The following TBC1D16 variants were observed in gnomAD, a reference collection of about 807,000 sequenced individuals.
TBC1D16 encodes the protein TBC1 domain family member 16.
Under a neutral mutation model 74.7 loss-of-function variants are expected in TBC1D16, and 58 were observed. That is an observed-to-expected ratio of 0.78 (90% CI 0.63 to 0.97). TBC1D16 has a LOEUF of 0.97. TBC1D16 is among the 50% of genes least tolerant of loss of function. TBC1D16 has a pLI of 0.00. For missense variants in TBC1D16, 1,014 were observed against 1,079.5 expected, an observed-to-expected ratio of 0.94 and a Z score of 0.85; for synonymous variants, 493 against 474.7, an observed-to-expected ratio of 1.04 and a Z score of -0.50.
In TBC1D16 at chr17:79,988,499, C is replaced by T. The variant is rs1010232659; in HGVS notation, c.779+21661G>A. On this transcript the variant is annotated intron_variant, in intron 3 of 11. Coordinates refer to ENST00000310924, the MANE Select transcript of TBC1D16 (RefSeq NM_019020.4). This position sits in a 1 kb window ranked among gnomAD's most constrained non-coding sequence, Gnocchi z 5.7. ...GACGGAAGCTGCCCAATCATAAGAC[C>T]ATGGCTGAAAGTCAAACGCGCCCAG... Among the ~76,000 whole-genome samples, 1 of 152,254 alleles carries T rather than the reference C, an allele frequency of 6.6e-6. No individual in the cohort carries two copies. Among genetic ancestry groups the T allele is most frequent in the African/African-American group, 2.4e-5 (1 of 41,466 alleles).
chr17:79,972,664 T>C (rs534086333), intron 3 of TBC1D16, among the ~76,000 whole-genome samples: 24 of 151,700 alleles, frequency 1.6e-4, no homozygotes, highest in African/African-American at 5.3e-4. Context: ...GGAGAGGAGA[T>C]GGGGAGTTGT....
chr17:79,972,263 G>A (rs760281031), intron 3 of TBC1D16, among the ~76,000 whole-genome samples: 1 of 152,050 alleles, frequency 6.6e-6, no homozygotes, highest in Non-Finnish European at 1.5e-5. Flanking sequence ...TGCAACCTCC[G>A]CCTCCCGGAT....
rs2033483465 is a variant in TBC1D16 at position 79,959,215 on chromosome 17, G to A, written c.780-6397C>T. On this transcript the variant is annotated intron_variant, in intron 3 of 11. Coordinates refer to ENST00000310924, the MANE Select transcript of TBC1D16 (RefSeq NM_019020.4). ...AAAAGACATTCAAGAACGTCATACTGAAAAACACAAAAATTGCTGAGATAA... is the reference window on the plus strand; with the variant it reads ...AAAAGACATTCAAGAACGTCATACTAAAAAACACAAAAATTGCTGAGATAA... Among the ~76,000 whole-genome samples the A allele has an allele frequency of 2.0e-5, 3 of 152,150 alleles. No individual in the cohort carries two copies. The South Asian group carries it at 6.2e-4, about 32-fold the overall frequency.
chr17:80,021,910 C>CAGACACACACACT (rs2036300520), intron 1 of TBC1D16, among the ~76,000 whole-genome samples: 1 of 68,030 alleles, frequency 1.5e-5, no homozygotes, highest in Non-Finnish European at 3.7e-5. Flanking sequence ...TGACACACAC[C>CAGACACACACACT]ATGACACACA....
intron 10 of TBC1D16, among the ~76,000 whole-genome samples, chr17:79,943,222 G>A (rs776823488): frequency 6.6e-5 from 10 of 152,172 alleles, no homozygotes; most frequent in Non-Finnish European, 1.5e-4. Flanking sequence ...AACTAATCTG[G>A]GACGGTCTTG....
rs2034282023 is a variant in TBC1D16 at position 79,975,232 on chromosome 17, TC to T, written c.780-22415del. ...CCCTTTGCATTTGGTGAACTCCGTG[TC>T]AGGAAAGCTAGTCTTTGGGATTCAA... is the stretch of plus-strand genomic sequence containing the variant. On this transcript the variant is annotated intron_variant, in intron 3 of 11. Transcript: ENST00000310924. The surrounding 1 kb of genome is among the most constrained non-coding windows in gnomAD (Gnocchi z 4.5). Among the ~76,000 whole-genome samples the T allele has an allele frequency of 6.6e-6, 1 of 152,230 alleles. No homozygotes were observed. The highest frequency in any genetic ancestry group is 2.1e-4 in the South Asian group (1 of 4,828).
At chr17:79,945,371 C>G (rs2032438532) in intron 9 of TBC1D16, among the ~76,000 whole-genome samples, 1 of 152,186 alleles carries the variant, frequency 6.6e-6, no homozygotes. Context: ...AGGACGCTGG[C>G]AGCCGCTCCA....
At chr17:79,942,015 T>A (rs2032052401) in intron 11 of TBC1D16, 45 bp downstream of exon 11, 1 of 1,150,242 alleles carries the variant, frequency 8.7e-7, no homozygotes, top group African/African-American at 2.0e-5. Context: ...GGGGTGGGGC[T>A]TTGGGGGCGG....
Position 79,954,196 on chromosome 17 carries a change from C to T in TBC1D16, c.780-1378G>A, listed in dbSNP as rs963945316. On this transcript the variant is annotated intron_variant, in intron 3 of 11. Coordinates refer to ENST00000310924, the MANE Select transcript of TBC1D16 (RefSeq NM_019020.4). This position sits in a 1 kb window ranked among gnomAD's most constrained non-coding sequence, Gnocchi z 5.5. ...AGCCGCATTCACCGCACCTGCCTTC[C>T]CGTTTGAGCTCAGAACATAAACTAT... Among the ~76,000 whole-genome samples, 2 of 152,200 alleles carry T rather than the reference C, an allele frequency of 1.3e-5. No homozygotes were observed. Among genetic ancestry groups the T allele is most frequent in the South Asian group, 2.1e-4 (1 of 4,822 alleles).
rs550039387 is a variant in TBC1D16 at position 80,012,657 on chromosome 17, C to T, written c.181+710G>A. 6.1e-4 allele frequency among the ~76,000 whole-genome samples: 93 copies of T among 152,154 alleles called. 1 individual carries two copies. In the South Asian group the frequency reaches 0.019, roughly 32 times the overall value. The stretch of plus-strand genomic sequence containing the variant: ...AACTCCTGGGTTCAAGCAATCCTCC[C>T]ACCTCAGCCTCCCAAAGTGCTGGGA... On this transcript the variant is annotated intron_variant, in intron 2 of 11. Coordinates refer to ENST00000310924, the MANE Select transcript of TBC1D16 (RefSeq NM_019020.4).
rs563217623 is a variant in TBC1D16, at chr17:79,989,498, G to A, written c.779+20662C>T. ...TTTCCAGGATGAAAAGCCACGGTTC[G>A]CTTTGCCTGCCATGGACAGAGTCAT... On this transcript the variant is annotated intron_variant, in intron 3 of 11. Coordinates refer to ENST00000310924, the MANE Select transcript of TBC1D16 (RefSeq NM_019020.4). Among the ~76,000 whole-genome samples the A allele has an allele frequency of 1.9e-4, 29 of 152,288 alleles. No homozygotes were observed. In the East Asian group the frequency reaches 2.5e-3, roughly 13 times the overall value.
Position 79,980,496 on chromosome 17 carries a change from C to T in TBC1D16, c.780-27678G>A, listed in dbSNP as rs2034533946. Among the ~76,000 whole-genome samples, 1 of 152,152 alleles carries T rather than the reference C, an allele frequency of 6.6e-6. No homozygotes were observed. The highest frequency in any genetic ancestry group is 6.5e-5 in the Admixed American group (1 of 15,276). On this transcript the variant is annotated intron_variant, in intron 3 of 11. Transcript: ENST00000310924. The surrounding 1 kb of genome is among the most constrained non-coding windows in gnomAD (Gnocchi z 7.0). ...TAACCAGGGTTTGTCCAGAAAAAGA[C>T]ACAGAACCCGCAGGCCCTGGAGGAC...
chr17:80,033,650 T>C (rs1363306145), intron 1 of TBC1D16, among the ~76,000 whole-genome samples: 2 of 152,234 alleles, frequency 1.3e-5, no homozygotes, highest in African/African-American at 2.4e-5. Flanking sequence ...TGAGCTACTA[T>C]GCCCAGTCCA....
chr17:80,009,368 G>A lies in TBC1D16; in HGVS notation c.779+792C>T, dbSNP rs1042422506. Reference sequence around the variant, plus strand: ...TGGCTCTGGGGCTCCGGGCTTATGCGACCACACGGGCACTCACCCCAAGGC... The same window carrying A: ...TGGCTCTGGGGCTCCGGGCTTATGCAACCACACGGGCACTCACCCCAAGGC... On this transcript the variant is annotated intron_variant, in intron 3 of 11. Transcript: ENST00000310924. The surrounding 1 kb of genome is among the most constrained non-coding windows in gnomAD (Gnocchi z 5.4). Among the ~76,000 whole-genome samples, 3 of 152,154 alleles carry A rather than the reference G, an allele frequency of 2.0e-5. No homozygotes were observed. The highest frequency in any genetic ancestry group is 1.3e-4 in the Admixed American group (2 of 15,286).
At chr17:79,989,657 G>A (rs1273199225) in intron 3 of TBC1D16, among the ~76,000 whole-genome samples, 2 of 152,244 alleles carry the variant, frequency 1.3e-5, no homozygotes, top group African/African-American at 2.4e-5. Flanking sequence ...ACCTGGCAAT[G>A]CCAAAGGCCG....
Position 79,985,382 on chromosome 17 carries a change from G to C in TBC1D16, c.779+24778C>G, listed in dbSNP as rs1432923072. Among the ~76,000 whole-genome samples, 1 of 152,214 alleles carries C rather than the reference G, an allele frequency of 6.6e-6. No homozygotes were observed. Among genetic ancestry groups the C allele is most frequent in the South Asian group, 2.1e-4 (1 of 4,828 alleles). On this transcript the variant is annotated intron_variant, in intron 3 of 11. Coordinates refer to ENST00000310924, the MANE Select transcript of TBC1D16 (RefSeq NM_019020.4). The surrounding 1 kb of genome is among the most constrained non-coding windows in gnomAD (Gnocchi z 4.9). The stretch of plus-strand genomic sequence containing the variant: ...AGGTTCTGAGTGGCCATGAATTTGC[G>C]GGGAAGGGAGTCACTATCCAGGCCA...
rs1460492419 is a variant in TBC1D16, at chr17:80,035,498, C to T, written c.-63+297G>A. 6.6e-6 allele frequency among the ~76,000 whole-genome samples: 1 copy of T among 152,066 alleles called. No homozygotes were observed. The highest frequency in any genetic ancestry group is 1.5e-5 in the Non-Finnish European group (1 of 67,984). ...TCCACCGCTCCAGACAGGCGGGGAC[C>T]AGTCTCCCCGAATTAGGCCCATTCC... On this transcript the variant is annotated intron_variant, in intron 1 of 11. Coordinates refer to ENST00000310924, the MANE Select transcript of TBC1D16 (RefSeq NM_019020.4). The surrounding 1 kb of genome is among the most constrained non-coding windows in gnomAD (Gnocchi z 5.3).
chr17:79,942,105 G>A lies in TBC1D16; in HGVS notation c.2010C>T (p.Phe670=), dbSNP rs548229900. The change falls in exon 11 of 12, where the codon TTC becomes TTT. Residue 670 remains phenylalanine (F), a synonymous_variant. Coordinates refer to ENST00000310924, the MANE Select transcript of TBC1D16 (RefSeq NM_019020.4). ...QLATDQMLLH[F]GNLAMHMNGE... ...CGTTCATGTGCATGGCCAGGTTTCC[G>A]AAGTGCAGGAGCATCTGGTCCGTGG... 1.8e-4 allele frequency: 298 copies of A among 1,612,332 alleles called. 5 individuals are homozygous for A. In the South Asian group the frequency reaches 3.0e-3, roughly 16 times the overall value.
chr17:80,004,114 T>C (rs918854434), intron 3 of TBC1D16, among the ~76,000 whole-genome samples: 2 of 152,226 alleles, frequency 1.3e-5, no homozygotes, highest in Non-Finnish European at 2.9e-5. Flanking sequence ...CCGTATTATG[T>C]AAAATTAAAA....
Sources: allele counts gnomAD v4.1 joint callset (sites outside exome capture counted in the v4.1 genomes callset), GRCh38; gene constraint gnomAD v4.1.1; non-coding constraint Gnocchi (gnomAD v3.1); transcripts MANE v1.5; gene names NCBI Gene and HGNC (gene_info 2026-07-23, HGNC 2026-07-21).